FRMPD4: variants seen among roughly 807,000 people sequenced by gnomAD.
The protein encoded by FRMPD4 is FERM and PDZ domain containing 4, also known as FERM and PDZ domain-containing protein 4.
FRMPD4 carries 22 observed loss-of-function variants against 94.1 expected under a neutral mutation model. The ratio of observed to expected loss-of-function variants is 0.23; its 90% CI spans 0.17 to 0.33. FRMPD4 has a LOEUF of 0.33. Among genes scored for constraint, FRMPD4 ranks in the 10% least tolerant of loss-of-function variants. FRMPD4 has a pLI of 1.00. For synonymous variants in FRMPD4, 631 were observed against 548.6 expected (o/e 1.15, Z -2.10); for missense variants, 1,111 against 1,339.9 (o/e 0.83, Z 2.67).
chrX:12,348,160 C>T (rs1468577126), intron 1 of FRMPD4, among the ~76,000 whole-genome samples: 1 of 111,964 alleles, frequency 8.9e-6, no homozygotes, highest in Non-Finnish European at 1.9e-5. Flanking sequence ...CAAACCCTTA[C>T]ACTGAGCGGT....
At chrX:12,059,662 A>G (rs1213474500) in intron 3 of FRMPD4, among the ~76,000 whole-genome samples, 2 of 107,300 alleles carry the variant, frequency 1.9e-5, no homozygotes, top group Non-Finnish European at 3.9e-5. Flanking sequence ...TGCCACATTT[A>G]TGTCCATGCA....
intron 3 of FRMPD4, among the ~76,000 whole-genome samples, chrX:11,967,148 G>A (rs753400654): frequency 8.0e-5 from 9 of 112,207 alleles, no homozygotes; most frequent in Non-Finnish European, 1.5e-4. Context: ...ATGGGATCTT[G>A]CTATATTGCC....
chrX:12,162,930 G>A (rs1466768771), intron 1 of FRMPD4, among the ~76,000 whole-genome samples: 1 of 111,574 alleles, frequency 9.0e-6, no homozygotes, highest in South Asian at 3.8e-4. Flanking sequence ...CTTCACCTTT[G>A]TGAATCTCTC....
intron 2 of FRMPD4, among the ~76,000 whole-genome samples, chrX:12,603,844 C>T (rs2059106248): frequency 9.0e-6 from 1 of 110,672 alleles, no homozygotes; most frequent in African/African-American, 3.3e-5. Context: ...CCAAAAACTG[C>T]TTGCCTTGTT....
At chrX:12,525,319 A>G (rs371783601) in intron 2 of FRMPD4, among the ~76,000 whole-genome samples, 21 of 111,838 alleles carry the variant, frequency 1.9e-4, no homozygotes, top group African/African-American at 6.5e-4. Context: ...AATAGAGATC[A>G]TAAGACTGAC....
rs753848091 is a variant in FRMPD4, at chrX:12,032,307, G to A, written c.95+154289G>A. The stretch of plus-strand genomic sequence containing the variant: ...GGCAGAGAAGAGGAGTTTGCCAAGG[G>A]AATGGAGAAAGAACTCCTACGCTTG... On this transcript the variant is annotated intron_variant, in intron 3 of 18. Transcript: ENST00000640291. Among the ~76,000 whole-genome samples the A allele has an allele frequency of 3.6e-5, 4 of 112,061 alleles. No homozygotes were observed. In the East Asian group the frequency reaches 1.1e-3, roughly 31 times the overall value.
At chrX:12,629,940 AT>A (rs1384847730) in intron 4 of FRMPD4, among the ~76,000 whole-genome samples, 2 of 112,600 alleles carry the variant, frequency 1.8e-5, no homozygotes, top group African/African-American at 6.5e-5. Flanking sequence ...GACTTTCAGG[AT>A]GAAGATAACT....
At chrX:12,301,344 G>T (rs2054857461) in intron 1 of FRMPD4, among the ~76,000 whole-genome samples, 1 of 111,931 alleles carries the variant, frequency 8.9e-6, no homozygotes, top group African/African-American at 3.3e-5. Flanking sequence ...ATCTTTAGCA[G>T]AGCTTGTAAA....
At chrX:12,522,594 CTTT>C (rs373581040) in intron 2 of FRMPD4, among the ~76,000 whole-genome samples, 186 of 74,527 alleles carry the variant, frequency 2.5e-3, no homozygotes, top group African/African-American at 0.01. Flanking sequence ...TTTTCTTTTC[CTTT>C]TTTTTTTTTT....
intron 3 of FRMPD4, among the ~76,000 whole-genome samples, chrX:12,080,189 A>G (rs2055051248): frequency 8.9e-6 from 1 of 112,200 alleles, no homozygotes; most frequent in Admixed American, 9.4e-5. Flanking sequence ...TTCTTGCTTT[A>G]CTTTGATTAC....
intron 1 of FRMPD4, among the ~76,000 whole-genome samples, chrX:12,230,965 AATATATAGTAAT>A (rs2056983170): frequency 1.6e-5 from 1 of 63,507 alleles, no homozygotes; most frequent in African/African-American, 8.2e-5. Context: ...ATATATAGTA[AATATATAGTAAT>A]ATATATAGTA....
At chrX:12,035,513 T>A (rs1309790568) in intron 3 of FRMPD4, among the ~76,000 whole-genome samples, 8 of 112,218 alleles carry the variant, frequency 7.1e-5, no homozygotes, top group African/African-American at 2.6e-4. Context: ...TGTAATAAAG[T>A]GTGTTCAACT....
At chrX:12,238,572 T>A (rs1370725164) in intron 1 of FRMPD4, among the ~76,000 whole-genome samples, 2 of 112,760 alleles carry the variant, frequency 1.8e-5, no homozygotes, top group Non-Finnish European at 3.7e-5. Context: ...TCTGTCATAA[T>A]GTATAATTAA....
At chrX:12,404,849 G>A (rs763703919) in intron 1 of FRMPD4, among the ~76,000 whole-genome samples, 1 of 111,846 alleles carries the variant, frequency 8.9e-6, no homozygotes, top group South Asian at 3.8e-4. Context: ...CAGCCAGCCA[G>A]TCCCTCTTAT....
chrX:12,040,553 C>CTTTTTTTT (rs760980082), intron 3 of FRMPD4, among the ~76,000 whole-genome samples: 1 of 58,905 alleles, frequency 1.7e-5, no homozygotes, highest in Non-Finnish European at 3.0e-5. Flanking sequence ...TTATGTCTGC[C>CTTTTTTTT]TTTTTTTTTT....
chrX:12,688,128 C>A (rs1188129700), intron 7 of FRMPD4, among the ~76,000 whole-genome samples: 5 of 111,822 alleles, frequency 4.5e-5, no homozygotes, highest in African/African-American at 9.8e-5. Context: ...AACAAATGGG[C>A]ATGGCCAGAT....
At chrX:11,854,572 A>G (rs1252543795) in intron 1 of FRMPD4, among the ~76,000 whole-genome samples, 1 of 112,334 alleles carries the variant, frequency 8.9e-6, no homozygotes, top group African/African-American at 3.2e-5. Context: ...CCCATTCCAA[A>G]TGGGAGAAAT....
Position 12,152,217 on chromosome X carries a change from C to A in FRMPD4, c.41+13205C>A, listed in dbSNP as rs182891095. On this transcript the variant is annotated intron_variant, in intron 1 of 16. Transcript: ENST00000675598. ...ATTCCCTCTGAAGTTAATTATATTT[C>A]AACAATTCCATTGTTTTACCATATA... is the stretch of plus-strand genomic sequence containing the variant. Among the ~76,000 whole-genome samples, 208 of 111,754 alleles carry A rather than the reference C, an allele frequency of 1.9e-3. 1 individual carries two copies. The highest frequency in any genetic ancestry group is 9.2e-3 in the Middle Eastern group (2 of 218).
intron 1 of FRMPD4, among the ~76,000 whole-genome samples, chrX:12,393,550 A>T (rs1246483790): frequency 8.9e-6 from 1 of 111,963 alleles, no homozygotes; most frequent in Non-Finnish European, 1.9e-5. Context: ...ATTATATTCC[A>T]CTAATGTCCT....
Sources: gnomAD v4.1 joint callset for allele counts (sites outside exome capture counted in the v4.1 genomes callset) on GRCh38, gnomAD v4.1.1 for gene constraint, MANE v1.5 for transcripts, NCBI Gene and HGNC (gene_info 2026-07-23, HGNC 2026-07-21) for gene names.